CYLC2: variants seen among roughly 807,000 people sequenced by gnomAD.
The protein encoded by CYLC2 is cylicin-2.
A neutral mutation model predicts 26.1 loss-of-function variants in CYLC2; 30 were observed. The observed-to-expected ratio is 1.15, with a 90% confidence interval of 0.86 to 1.56. CYLC2 has a LOEUF of 1.56. CYLC2 is among the 40% of genes most tolerant of loss of function. The probability of loss-of-function intolerance (pLI) is 0.00; values close to 1 mark genes in which losing one functional copy is unlikely to be tolerated. For synonymous variants in CYLC2, 158 were observed against 132.8 expected, an observed-to-expected ratio of 1.19 and a Z score of -1.31; for missense variants, 498 against 394.4, an observed-to-expected ratio of 1.26 and a Z score of -2.23.
At chr9:102,996,080 T>C (rs963026885) in intron 1 of CYLC2, among the ~76,000 whole-genome samples, 2 of 151,834 alleles carry the variant, frequency 1.3e-5, no homozygotes, top group African/African-American at 2.4e-5. Flanking sequence ...TTTTGTAATA[T>C]AAAGTATGGG....
chr9:103,002,344 T>G (rs913890787), intron 2 of CYLC2, among the ~76,000 whole-genome samples: 1 of 149,666 alleles, frequency 6.7e-6, no homozygotes, highest in East Asian at 2.0e-4. Flanking sequence ...CTTGGGTGTA[T>G]AGCATTTGCC....
Position 103,005,099 on chromosome 9 carries a change from T to A in CYLC2, c.468T>A (p.Asp156Glu), listed in dbSNP as rs770541890. The change falls in exon 5 of 8, where the codon GAT (aspartate) becomes GAA (glutamate). Residue 156 changes from aspartate (D) to glutamate (E), a missense_variant. Transcript: ENST00000374798. ...DIEKGKEEKL[D>E]AKKDSKKGKK... ...AGAAAGGAAAAGAAGAAAAGCTAGA[T>A]GCAAAGAAAGATAGCAAAAAAGGTA... The A allele has an allele frequency of 2.4e-5, 39 of 1,605,606 alleles. 1 individual carries two copies. The South Asian group carries it at 4.3e-4, about 18-fold the overall frequency.
chr9:102,997,823 C>A (rs1274372872), intron 1 of CYLC2, among the ~76,000 whole-genome samples: 2 of 151,718 alleles, frequency 1.3e-5, no homozygotes, highest in African/African-American at 2.4e-5. Context: ...TAAAATATAA[C>A]CCAGACTAAA....
At chr9:102,997,305 C>A (rs1829247929) in intron 1 of CYLC2, among the ~76,000 whole-genome samples, 4 of 151,964 alleles carry the variant, frequency 2.6e-5, no homozygotes, top group Admixed American at 2.6e-4. Context: ...AGTATCATCA[C>A]ACGCACATAC....
At chr9:102,995,732 G>A (rs1329156878) in intron 1 of CYLC2, among the ~76,000 whole-genome samples, 1 of 151,638 alleles carries the variant, frequency 6.6e-6, no homozygotes. Context: ...GAACCACCTT[G>A]GAAATTTCTG....
At chr9:102,998,989 T>C (rs1564096088) in intron 1 of CYLC2, among the ~76,000 whole-genome samples, 4 of 152,064 alleles carry the variant, frequency 2.6e-5, no homozygotes, top group African/African-American at 9.6e-5. Flanking sequence ...TACATTTACA[T>C]AGCACACTTA....
At chr9:103,009,884 AACATACATATGTGTACAC>A (rs1253068157) in intron 5 of CYLC2, among the ~76,000 whole-genome samples, 3 of 151,726 alleles carry the variant, frequency 2.0e-5, no homozygotes, top group Non-Finnish European at 4.4e-5. Flanking sequence ...CATATATACA[AACATACATATGTGTACAC>A]ACATACATAT....
chr9:103,017,737 C>T (rs539095895), intron 7 of CYLC2, among the ~76,000 whole-genome samples: 39 of 151,978 alleles, frequency 2.6e-4, no homozygotes, highest in East Asian at 2.1e-3. Context: ...AAACCACAGA[C>T]GGGGTAGCTT....
chr9:103,014,022 A>G (rs1341780937), intron 6 of CYLC2, among the ~76,000 whole-genome samples: 1 of 110,802 alleles, frequency 9.0e-6, no homozygotes, highest in African/African-American at 3.6e-5. Flanking sequence ...TATTAAATAT[A>G]TTATTCATAT....
At chr9:103,012,699 A>T (rs1829420145) in intron 6 of CYLC2, among the ~76,000 whole-genome samples, 1 of 152,014 alleles carries the variant, frequency 6.6e-6, no homozygotes, top group Non-Finnish European at 1.5e-5. Flanking sequence ...TATTTGGCAA[A>T]CATATAAACA....
chr9:103,013,279 A>ATATT (rs1829434517), intron 6 of CYLC2, among the ~76,000 whole-genome samples: 1 of 87,704 alleles, frequency 1.1e-5, no homozygotes, highest in South Asian at 3.8e-4. Flanking sequence ...TATTATATAT[A>ATATT]ACACATTAAA....
rs377524091 is a variant in CYLC2 at position 103,005,650 on chromosome 9, A to G, written c.1019A>G (p.Lys340Arg). The G allele has an allele frequency of 6.2e-7, 1 of 1,611,896 alleles. No homozygotes were observed. The highest frequency in any genetic ancestry group is 8.5e-7 in the Non-Finnish European group (1 of 1,179,384). Residue 340 changes from lysine to arginine, a missense_variant, in exon 5 of 8, where the codon AAG becomes AGG. Transcript: ENST00000374798. ...AAGAAGAATGCAAAGAAGGATGAAA[A>G]GAAGGATGCAAAGAAGAAGGGCAAG... ...DAKKNAKKDE[K>R]KDAKKKGK is the part of the protein sequence containing the mutation.
Position 103,004,574 on chromosome 9 carries a change from C to T in CYLC2, c.181-121C>T, listed in dbSNP as rs972153934. On this transcript the variant is annotated intron_variant, in intron 3 of 7. Transcript: ENST00000374798. ...ATAAAGGATGAAATCTCAAACTTCC[C>T]CATTTTTTAACAAAAGCTAAAATCT... 8 of 701,450 alleles carry T rather than the reference C, an allele frequency of 1.1e-5. No homozygotes were observed. The African/African-American group carries it at 1.3e-4, about 12-fold the overall frequency. The allele number at this position is 701,450 out of a possible 1,614,324, so 43.5% of individuals were successfully genotyped here. A position where few individuals can be genotyped will look rare whatever the true frequency, so the allele number is the denominator to read the frequency against.
At chr9:103,004,902 T>C in intron 4 of CYLC2, 51 bp downstream of exon 4, 1 of 1,575,578 alleles carries the variant, frequency 6.3e-7, no homozygotes, top group Non-Finnish European at 8.6e-7. Context: ...TCTGATTAGA[T>C]TTCTATTAGA....
chr9:103,014,684 A>T (rs1382660616), intron 6 of CYLC2, among the ~76,000 whole-genome samples: 1 of 133,482 alleles, frequency 7.5e-6, no homozygotes, highest in Non-Finnish European at 1.6e-5. Context: ...TGCAGTATAC[A>T]TATGTAATAT....
rs1829349913 is a variant in CYLC2 at position 103,006,306 on chromosome 9, T to C, written c.*628T>C. The C allele has an allele frequency of 6.6e-6, 1 of 152,164 alleles. No individual in the cohort carries two copies. Among genetic ancestry groups the C allele is most frequent in the Admixed American group, 6.5e-5 (1 of 15,274 alleles). The allele number at this position is 152,164 out of a possible 1,614,324, so 9.4% of individuals were successfully genotyped here. ...CCCGATGAGCCTACATCTTTCTTTC[T>C]GAAGTTTAAACAACCACAGTCATGT... is the stretch of plus-strand genomic sequence containing the variant. On this transcript the variant is annotated 3_prime_UTR_variant, in exon 5 of 8. Transcript: ENST00000374798.
At chr9:102,997,461 C>T (rs376787560) in intron 1 of CYLC2, among the ~76,000 whole-genome samples, 171 of 152,032 alleles carry the variant, frequency 1.1e-3, no homozygotes, top group African/African-American at 3.9e-3. Flanking sequence ...CAGAGCCATT[C>T]CTCAGCAAGA....
intron 6 of CYLC2, among the ~76,000 whole-genome samples, chr9:103,014,723 G>T: frequency 9.7e-6 from 1 of 102,710 alleles, no homozygotes; most frequent in Non-Finnish European, 1.9e-5. Context: ...ATATACATAT[G>T]TAATATACGT....
chr9:102,995,783 A>C (rs1587848904), intron 1 of CYLC2, among the ~76,000 whole-genome samples: 1 of 151,990 alleles, frequency 6.6e-6, no homozygotes, highest in African/African-American at 2.4e-5. Flanking sequence ...GAGGAGTGTG[A>C]CTGAATTTTA....
Sources: gnomAD v4.1 joint callset for allele counts (sites outside exome capture counted in the v4.1 genomes callset) on GRCh38, gnomAD v4.1.1 for gene constraint, MANE v1.5 for transcripts, NCBI Gene and HGNC (gene_info 2026-07-23, HGNC 2026-07-21) for gene names.